VPS37A: variants seen among roughly 807,000 people sequenced by gnomAD.
The protein encoded by VPS37A is vacuolar protein sorting-associated protein 37A.
VPS37A carries 30 observed loss-of-function variants against 49.8 expected under a neutral mutation model. That is an observed-to-expected ratio of 0.60 (90% CI 0.45 to 0.82). The LOEUF is 0.82. Among genes scored for constraint, VPS37A ranks in the 40% least tolerant of loss-of-function variants. The pLI, the probability that VPS37A is intolerant of heterozygous loss-of-function variation, is 0.00. For missense variants in VPS37A, 593 were observed against 464.4 expected (o/e 1.28, Z -2.55); for synonymous variants, 195 against 160.6 (o/e 1.21, Z -1.62).
intron 1 of VPS37A, chr8:17,248,078 T>C (rs541617223): frequency 5.1e-6 from 2 of 392,020 alleles, no homozygotes; most frequent in Admixed American, 4.2e-5. Context: ...ACAATTCATA[T>C]TATTTCAACT....
chr8:17,251,152 A>G (rs1297961249), intron 1 of VPS37A, among the ~76,000 whole-genome samples: 1 of 152,174 alleles, frequency 6.6e-6, no homozygotes, highest in Non-Finnish European at 1.5e-5. Flanking sequence ...AGGATTGTTT[A>G]TGCCAGTGAT....
intron 4 of VPS37A, among the ~76,000 whole-genome samples, chr8:17,270,320 G>C (rs1463033445): frequency 6.6e-6 from 1 of 152,160 alleles, no homozygotes; most frequent in African/African-American, 2.4e-5. Flanking sequence ...TCTACCATTT[G>C]GTTAGGGACC....
At chr8:17,286,665 C>A in intron 11 of VPS37A, 1 of 417,688 alleles carries the variant, frequency 2.4e-6, no homozygotes, top group South Asian at 3.8e-5. Context: ...TTAACATTAG[C>A]TGCTAATGTA....
rs1429495470 is a variant in VPS37A at position 17,280,408 on chromosome 8, G to A, written c.934G>A (p.Glu312Lys). 12 of 1,609,130 alleles carry A rather than the reference G, an allele frequency of 7.5e-6. No homozygotes were observed. The highest frequency in any genetic ancestry group is 1.0e-5 in the Non-Finnish European group (12 of 1,178,396). Residue 312 changes from glutamate to lysine, a missense_variant, in exon 9 of 12, where the codon GAA becomes AAA. Physicochemically the swap from Glu to Lys is moderately conservative, Grantham distance 56 (BLOSUM62 1). Transcript: ENST00000324849. The part of the protein sequence containing the change: ...ELLTQMKSTF[E>K]KKMQRQHELS... ...ACTTACACAGATGAAGTCCACTTTC[G>A]AAAAGAAGATGCAAAGGCAGCATGA...
downstream of VPS37A, chr8:17,299,620 A>T: frequency 2.0e-6 from 1 of 502,538 alleles, no homozygotes; most frequent in African/African-American, 1.9e-5. Flanking sequence ...TATAATTTTC[A>T]TAGTCTAGGG....
downstream of VPS37A, chr8:17,298,578 A>C (rs1816894272): frequency 2.0e-5 from 3 of 152,400 alleles, no homozygotes; most frequent in African/African-American, 7.3e-5. Context: ...TATTGATGTA[A>C]ATTGTAAAGT....
intron 9 of VPS37A, among the ~76,000 whole-genome samples, chr8:17,282,823 G>C (rs1195126262): frequency 2.6e-5 from 4 of 152,098 alleles, no homozygotes; most frequent in Admixed American, 2.6e-4. Flanking sequence ...TTCTGGGGAT[G>C]ATGAATCTTC....
At chr8:17,274,639 GTACTTGACCTTTGT>G (rs1167864260) in intron 4 of VPS37A, 80 bp from the exon 5 acceptor site, 2 of 907,904 alleles carry the variant, frequency 2.2e-6, no homozygotes, top group African/African-American at 3.4e-5. Flanking sequence ...CATCTATATA[GTACTTGACCTTTGT>G]TATTTAGAAC....
the VPS37A span, among the ~76,000 whole-genome samples, chr8:17,330,398 C>G: frequency 6.6e-6 from 1 of 152,218 alleles, no homozygotes; most frequent in African/African-American, 2.4e-5. Flanking sequence ...CATCCTCTGT[C>G]TTTTCCCAGT....
At chr8:17,325,496 T>C in the VPS37A span, among the ~76,000 whole-genome samples, 1 of 152,196 alleles carries the variant, frequency 6.6e-6, no homozygotes, top group Admixed American at 6.5e-5. Flanking sequence ...TTTTGAGGCC[T>C]GCTAAAAAGA....
chr8:17,321,150 C>A, the VPS37A span, among the ~76,000 whole-genome samples: 5 of 152,188 alleles, frequency 3.3e-5, no homozygotes, highest in Non-Finnish European at 7.3e-5. Context: ...ATCCTTTTCA[C>A]CACCTTCTCT....
At chr8:17,293,404 A>G (rs768697633) in intron 11 of VPS37A, among the ~76,000 whole-genome samples, 1 of 152,014 alleles carries the variant, frequency 6.6e-6, no homozygotes, top group Non-Finnish European at 1.5e-5. Flanking sequence ...GAGTTAGAAC[A>G]TGCTCCTTTA....
chr8:17,319,766 T>G, the VPS37A span, among the ~76,000 whole-genome samples: 2 of 152,046 alleles, frequency 1.3e-5, no homozygotes, highest in African/African-American at 4.8e-5. Context: ...GAGGCTCCAG[T>G]CTGGCTCCAG....
At chr8:17,279,151 C>T (rs1544320) in intron 6 of VPS37A, among the ~76,000 whole-genome samples, 6,956 of 152,132 alleles carry the variant, frequency 0.046, 197 homozygotes, top group African/African-American at 0.078. Context: ...GAGGTTAAAA[C>T]GGAGTTGTTG....
intron 1 of VPS37A, 160 bp from the exon 2 acceptor site, chr8:17,265,747 A>G (rs776818773): frequency 1.9e-5 from 28 of 1,508,162 alleles, no homozygotes; most frequent in East Asian, 7.7e-5. Flanking sequence ...CTTTCTAACT[A>G]TGATCATTTT....
chr8:17,289,926 G>A (rs988410520), intron 11 of VPS37A, among the ~76,000 whole-genome samples: 1 of 152,174 alleles, frequency 6.6e-6, no homozygotes, highest in African/African-American at 2.4e-5. Flanking sequence ...CATATCCCTT[G>A]TAAGTTGGAT....
rs1366939310 is a variant in VPS37A at position 17,274,781 on chromosome 8, TC to T, written c.467del (p.Pro156HisfsTer82). ...GMSPYASQGF[P>X]FLPPYPPQEA... The stretch of plus-strand genomic sequence containing the variant: ...TGTCTCCTTATGCTTCTCAGGGTTT[TC>T]CATTTCTTCCTCCATATCCTCCACA... On this transcript the variant is annotated frameshift_variant, in exon 5 of 12. Transcript: ENST00000324849. LOFTEE classifies it high-confidence loss of function. 1 of 1,614,186 alleles carries T rather than the reference TC, an allele frequency of 6.2e-7. No individual in the cohort carries two copies. Among genetic ancestry groups the T allele is most frequent in the East Asian group, 2.2e-5 (1 of 44,868 alleles).
chr8:17,249,205 A>G (rs1264457657), intron 1 of VPS37A, among the ~76,000 whole-genome samples: 1 of 152,216 alleles, frequency 6.6e-6, no homozygotes, highest in East Asian at 1.9e-4. Context: ...AAGGCTGGTA[A>G]GTAAGGGAAG....
At chr8:17,260,927 A>C (rs1022294171) in intron 1 of VPS37A, among the ~76,000 whole-genome samples, 20 of 152,042 alleles carry the variant, frequency 1.3e-4, no homozygotes, top group African/African-American at 4.8e-4. Flanking sequence ...TGAGAGTTTG[A>C]TGATTATATG....
Sources: allele counts gnomAD v4.1 joint callset (sites outside exome capture counted in the v4.1 genomes callset), GRCh38; gene constraint gnomAD v4.1.1; transcripts MANE v1.5; gene names NCBI Gene and HGNC (gene_info 2026-07-23, HGNC 2026-07-21).